RANBP2: variants seen among roughly 807,000 people sequenced by gnomAD.
RANBP2 encodes RAN binding protein 2.
In RANBP2, 57 loss-of-function variants were observed where a neutral mutation model predicts 303.6. That is an observed-to-expected ratio of 0.19 (90% CI 0.15 to 0.23). The LOEUF is 0.23. RANBP2 is among the 10% of genes least tolerant of loss of function. RANBP2 has a pLI of 1.00. For synonymous variants in RANBP2, 1,167 were observed against 1,301.5 expected (o/e 0.90, Z 2.23); for missense variants, 3,138 against 3,780.8 (o/e 0.83, Z 4.46).
chr2:109,423,989 G>A, the RANBP2 span, among the ~76,000 whole-genome samples: 4 of 152,214 alleles, frequency 2.6e-5, no homozygotes, highest in South Asian at 2.1e-4. Context: ...GGCAAAGGTC[G>A]GAGACGTCTG....
the RANBP2 span, chr2:108,812,591 A>G: frequency 2.8e-6 from 4 of 1,445,182 alleles, no homozygotes; most frequent in South Asian, 2.3e-5. Context: ...AAACCAGTTG[A>G]AGGTGTATAT....
the RANBP2 span, among the ~76,000 whole-genome samples, chr2:109,522,905 T>C: frequency 2.0e-5 from 3 of 152,216 alleles, no homozygotes; most frequent in African/African-American, 7.2e-5. Flanking sequence ...TTCAAAATAC[T>C]CGTGTGTTTA....
At chr2:109,268,818 G>A in the RANBP2 span, among the ~76,000 whole-genome samples, 1 of 152,254 alleles carries the variant, frequency 6.6e-6, no homozygotes, top group African/African-American at 2.4e-5. Context: ...TGTTTAAGGT[G>A]AGCCAGGCTA....
At chr2:108,869,416 A>G in the RANBP2 span, among the ~76,000 whole-genome samples, 4 of 152,166 alleles carry the variant, frequency 2.6e-5, no homozygotes, top group Non-Finnish European at 4.4e-5. Context: ...ATTCTTGCCT[A>G]TCAATGGGTT....
At chr2:108,794,846 G>A in the RANBP2 span, 18 of 723,714 alleles carry the variant, frequency 2.5e-5, no homozygotes, top group South Asian at 2.5e-4. Context: ...AGAGAAGGAC[G>A]GAAGGGGACA....
the RANBP2 span, among the ~76,000 whole-genome samples, chr2:109,416,629 C>T: frequency 2.6e-5 from 4 of 151,366 alleles, no homozygotes; most frequent in East Asian, 2.0e-4. Flanking sequence ...ATGATCTGCC[C>T]GCCTCAGCCT....
chr2:108,873,345 C>A, the RANBP2 span: 4 of 1,052,768 alleles, frequency 3.8e-6, no homozygotes, highest in Admixed American at 9.2e-5. Context: ...GAATGAAAAT[C>A]TAAATGAATA....
chr2:109,193,583 C>A, the RANBP2 span, among the ~76,000 whole-genome samples: 1 of 152,236 alleles, frequency 6.6e-6, no homozygotes, highest in African/African-American at 2.4e-5. Context: ...ATGTGCCATT[C>A]ATTTTTTTAA....
At chr2:109,667,411 C>T in the RANBP2 span, 34 of 403,874 alleles carry the variant, frequency 8.4e-5, no homozygotes, top group African/African-American at 2.5e-4. Context: ...GAGTTATTCA[C>T]GGCACTAGAA....
At chr2:108,997,224 G>T in the RANBP2 span, among the ~76,000 whole-genome samples, 1 of 151,954 alleles carries the variant, frequency 6.6e-6, no homozygotes, top group Non-Finnish European at 1.5e-5. Context: ...GGCAAATCAC[G>T]AGGTCAGGAG....
At chr2:108,729,980 T>A (rs1695042376) in intron 2 of RANBP2, among the ~76,000 whole-genome samples, 1 of 151,880 alleles carries the variant, frequency 6.6e-6, no homozygotes. Flanking sequence ...CGGCCTCCCG[T>A]AGTGTTGGGA....
At chr2:108,970,509 G>A in the RANBP2 span, among the ~76,000 whole-genome samples, 1 of 152,090 alleles carries the variant, frequency 6.6e-6, no homozygotes, top group Non-Finnish European at 1.5e-5. Context: ...GATGGTCTGG[G>A]AGCTGGGGCC....
the RANBP2 span, among the ~76,000 whole-genome samples, chr2:109,112,241 T>C: frequency 6.6e-6 from 1 of 152,150 alleles, no homozygotes. Flanking sequence ...TAGTTGACAG[T>C]CCCACCCACA....
chr2:109,225,295 T>C, the RANBP2 span, among the ~76,000 whole-genome samples: 1 of 152,246 alleles, frequency 6.6e-6, no homozygotes, highest in African/African-American at 2.4e-5. Context: ...TGAATAGTCC[T>C]CAAACCATTG....
At chr2:108,770,716 T>C (rs183196428) in intron 20 of RANBP2, among the ~76,000 whole-genome samples, 211 of 152,342 alleles carry the variant, frequency 1.4e-3, no homozygotes, top group African/African-American at 3.2e-3. Context: ...GTAACTTTAT[T>C]GATAGATTTG....
chr2:109,529,688 G>A, the RANBP2 span, among the ~76,000 whole-genome samples: 2 of 152,210 alleles, frequency 1.3e-5, no homozygotes, highest in African/African-American at 2.4e-5. Flanking sequence ...GTTGAGGGGC[G>A]GCTGGGCAGG....
chr2:109,217,462 G>A, the RANBP2 span, among the ~76,000 whole-genome samples: 1 of 152,172 alleles, frequency 6.6e-6, no homozygotes, highest in South Asian at 2.1e-4. Flanking sequence ...TTATGGCCAC[G>A]ATTGGTAAAT....
At chr2:109,591,027 C>A in the RANBP2 span, among the ~76,000 whole-genome samples, 1 of 152,194 alleles carries the variant, frequency 6.6e-6, no homozygotes, top group African/African-American at 2.4e-5. Flanking sequence ...CAAACAGATG[C>A]CGTTTTAAGC....
the RANBP2 span, among the ~76,000 whole-genome samples, chr2:109,031,950 C>T: frequency 6.9e-6 from 1 of 144,974 alleles, no homozygotes; most frequent in Admixed American, 6.9e-5. Context: ...GACCTTTTGC[C>T]AAAACTCTGA....
Sources: allele counts gnomAD v4.1 joint callset (sites outside exome capture counted in the v4.1 genomes callset), GRCh38; gene constraint gnomAD v4.1.1; transcripts MANE v1.5; gene names NCBI Gene and HGNC (gene_info 2026-07-23, HGNC 2026-07-21).